CNBP: variants seen among roughly 807,000 people sequenced by gnomAD.
CNBP encodes CCHC-type zinc finger nucleic acid binding protein.
In CNBP, 6 loss-of-function variants were observed where a neutral mutation model predicts 21.2. That is an observed-to-expected ratio of 0.28 (90% CI 0.16 to 0.56). The LOEUF is 0.56. Ranked by LOEUF, CNBP falls within the 20% of genes least tolerant of loss-of-function variation. The probability of loss-of-function intolerance (pLI) is 0.93; values close to 1 mark genes in which losing one functional copy is unlikely to be tolerated. For synonymous variants in CNBP, 61 were observed against 74.9 expected (o/e 0.81, Z 0.96); for missense variants, 112 against 233.1 (o/e 0.48, Z 3.38).
At chr3:129,176,679 GGACT>G (rs994560570) in intron 1 of CNBP, among the ~76,000 whole-genome samples, 9 of 152,200 alleles carry the variant, frequency 5.9e-5, no homozygotes, top group Admixed American at 5.2e-4. Context: ...TACTCACTAA[GGACT>G]GACTACAGTC....
chr3:129,176,818 AT>A lies in CNBP; in HGVS notation c.-14-5048del, dbSNP rs371160018. On this transcript the variant is annotated intron_variant, in intron 1 of 4. Coordinates refer to ENST00000422453, the MANE Select transcript of CNBP (RefSeq NM_003418.5). ...CCACTCAAAGGACATTCCCAATGTA[AT>A]TTTTTTTTAAATCCACTAACAGAAG... Among the ~76,000 whole-genome samples, 41 of 151,920 alleles carry A rather than the reference AT, an allele frequency of 2.7e-4. 1 individual carries two copies. Among genetic ancestry groups the A allele is most frequent in the African/African-American group, 8.9e-4 (37 of 41,442 alleles).
intron 1 of CNBP, among the ~76,000 whole-genome samples, chr3:129,181,139 C>A (rs1938258351): frequency 6.9e-6 from 1 of 143,930 alleles, no homozygotes; most frequent in Non-Finnish European, 1.5e-5. Context: ...ACTTGGGAGG[C>A]TGAGGCAGGA....
chr3:129,176,349 C>T (rs2107641874), intron 1 of CNBP, among the ~76,000 whole-genome samples: 1 of 152,298 alleles, frequency 6.6e-6, no homozygotes, highest in East Asian at 1.9e-4. Context: ...CTGGAACTAC[C>T]CTCCCTATTA....
chr3:129,173,411 G>A (rs1576914422), intron 1 of CNBP, among the ~76,000 whole-genome samples: 3 of 152,108 alleles, frequency 2.0e-5, no homozygotes, highest in East Asian at 1.9e-4. Flanking sequence ...GTAGGAAAAC[G>A]ACCATGAGTT....
chr3:129,175,249 G>A (rs1338700430), intron 1 of CNBP, among the ~76,000 whole-genome samples: 3 of 151,470 alleles, frequency 2.0e-5, no homozygotes, highest in Admixed American at 6.6e-5. Context: ...GCTTGAACCC[G>A]GGAGGTGGAG....
chr3:129,183,640 C>A (rs936971840), intron 1 of CNBP, 136 bp downstream of exon 1: 5 of 152,468 alleles, frequency 3.3e-5, no homozygotes, highest in African/African-American at 9.6e-5. Context: ...AGCCGAGCTT[C>A]CCGCCTGACG....
At chr3:129,174,349 TAAA>T (rs56752888) in intron 1 of CNBP, among the ~76,000 whole-genome samples, 4 of 63,150 alleles carry the variant, frequency 6.3e-5, no homozygotes, top group Non-Finnish European at 8.0e-5. Flanking sequence ...GAGTCAGAAT[TAAA>T]AAAAAAAAAA....
chr3:129,171,973 C>T (rs1167322447), intron 1 of CNBP, among the ~76,000 whole-genome samples: 1 of 151,690 alleles, frequency 6.6e-6, no homozygotes, highest in Non-Finnish European at 1.5e-5. Context: ...AGATCGAGAC[C>T]ATCTTGGCTA....
rs1218672815 is a variant in CNBP at position 129,172,643 on chromosome 3, GGC to G, written c.-14-874_-14-873del. ...AGGCAGCCAGGCAGGCAGGCAGGCAGGCAGGCAGGCAGGCAGACAGACAGACA... is the reference window on the plus strand; with the variant it reads ...AGGCAGCCAGGCAGGCAGGCAGGCAGAGGCAGGCAGGCAGACAGACAGACA... On this transcript the variant is annotated intron_variant, in intron 1 of 4. Transcript: ENST00000422453. Among the ~76,000 whole-genome samples, 478 of 65,732 alleles carry G rather than the reference GGC, an allele frequency of 7.3e-3. 2 individuals carry two copies. The highest frequency in any genetic ancestry group is 0.01 in the Non-Finnish European group (298 of 29,100). 43.1% of individuals were successfully genotyped at this position (65,732 alleles called of 152,430 possible).
Position 129,169,819 on chromosome 3 carries a change from TTA to T in CNBP, c.*632_*633del. The T allele has an allele frequency of 4.4e-6, 1 of 226,224 alleles. No homozygotes were observed. The highest frequency in any genetic ancestry group is 8.8e-6 in the Non-Finnish European group (1 of 113,518). The allele number at this position is 226,224 out of a possible 1,614,324, so 14.0% of individuals were successfully genotyped here. Reference sequence around the variant, plus strand: ...TTGATGTTTACTCTGGGTTTTAGATTTAGTCTTTGAAAATAATGTGTTCTAAA... The same window carrying T: ...TTGATGTTTACTCTGGGTTTTAGATTGTCTTTGAAAATAATGTGTTCTAAA... On this transcript the variant is annotated 3_prime_UTR_variant, in exon 5 of 5. Coordinates refer to ENST00000422453, the MANE Select transcript of CNBP (RefSeq NM_003418.5).
chr3:129,180,650 G>GT (rs1326454640), intron 1 of CNBP, among the ~76,000 whole-genome samples: 5 of 152,228 alleles, frequency 3.3e-5, no homozygotes. Context: ...GTTCTATTAA[G>GT]TGAGACAGTA....
Position 129,170,641 on chromosome 3 carries a change from T to A in CNBP, c.417-71A>T, listed in dbSNP as rs547071389. 3.3e-4 allele frequency: 401 copies of A among 1,209,184 alleles called. 8 individuals are homozygous for A. In the South Asian group the frequency reaches 4.5e-3, roughly 14 times the overall value. 74.9% of individuals were successfully genotyped at this position (1,209,184 alleles called of 1,614,324 possible). ...CTGTCTACCAAAGCAACAGTCACCA[T>A]GCAGAACAAAACGCCTGATCTTTGT... is the stretch of plus-strand genomic sequence containing the variant. On this transcript the variant is annotated intron_variant, in intron 4 of 4. Coordinates refer to ENST00000422453, the MANE Select transcript of CNBP (RefSeq NM_003418.5).
rs114536770 is a variant in CNBP at position 129,176,129 on chromosome 3, G to T, written c.-14-4358C>A. On this transcript the variant is annotated intron_variant, in intron 1 of 4. Transcript: ENST00000422453. ...TTTAAAGGTCTTTACAGAATTCCAT[G>T]ATATTCCTTAGGAAAACTAAGGTAA... Among the ~76,000 whole-genome samples the T allele has an allele frequency of 6.3e-3, 964 of 152,254 alleles. 9 individuals carry two copies. The highest frequency in any genetic ancestry group is 0.022 in the African/African-American group (906 of 41,546).
intron 1 of CNBP, 118 bp from the exon 2 acceptor site, chr3:129,171,889 TA>T (rs1382049586): frequency 5.3e-6 from 6 of 1,142,680 alleles, no homozygotes; most frequent in South Asian, 1.7e-5. Context: ...ATATATTGGT[TA>T]AAAAAATAGC....
At position 129,171,709 on chromosome 3, in the gene CNBP, G is replaced by A. The variant is rs1214633508; in HGVS notation, c.49C>T (p.Arg17Trp). Residue 17 changes from arginine (R) to tryptophan (W), a missense_variant, in exon 2 of 5, where the codon CGG (arginine) becomes TGG (tryptophan). Arg to Trp is a moderately radical substitution (Grantham distance 101). Transcript: ENST00000422453. ...FKCGRSGHWA[R>W]ECPTGGGRGR... ...CGGCCTCCACCAGTAGGACATTCCC[G>A]GGCCCAGTGGCCAGATCGTCCACAC... The A allele has an allele frequency of 1.2e-6, 2 of 1,614,100 alleles. No homozygotes were observed. The highest frequency in any genetic ancestry group is 1.7e-6 in the Non-Finnish European group (2 of 1,180,036).
At position 129,181,734 on chromosome 3, in the gene CNBP, TCTC is replaced by T. The variant is rs559278996; in HGVS notation, c.-15+2039_-15+2041del. Among the ~76,000 whole-genome samples the T allele has an allele frequency of 1.5e-3, 230 of 151,122 alleles. 1 individual carries two copies. The highest frequency in any genetic ancestry group is 5.1e-3 in the African/African-American group (211 of 41,282). Reference sequence around the variant, plus strand: ...ACTGCACCATCTGAAATACATTACCTCTCCTGTTACCAATATGAAAAAAAAGAG... The same window carrying T: ...ACTGCACCATCTGAAATACATTACCTCTGTTACCAATATGAAAAAAAAGAG... On this transcript the variant is annotated intron_variant, in intron 1 of 4. Coordinates refer to ENST00000422453, the MANE Select transcript of CNBP (RefSeq NM_003418.5).
Position 129,167,946 on chromosome 3 carries a change from CT to C in CNBP, c.*2506del, listed in dbSNP as rs1485313978. The stretch of plus-strand genomic sequence containing the variant: ...TAAAGAAATGGGTATGTTATTACCT[CT>C]TTTTCTTGCTTGCTCAGGACTATTA... On this transcript the variant is annotated 3_prime_UTR_variant, in exon 5 of 5. Coordinates refer to ENST00000422453, the MANE Select transcript of CNBP (RefSeq NM_003418.5). 6.6e-6 allele frequency among the ~76,000 whole-genome samples: 1 copy of C among 152,150 alleles called. No individual in the cohort carries two copies. Among genetic ancestry groups the C allele is most frequent in the South Asian group, 2.1e-4 (1 of 4,826 alleles).
At chr3:129,177,264 T>C (rs910717197) in intron 1 of CNBP, among the ~76,000 whole-genome samples, 3 of 152,248 alleles carry the variant, frequency 2.0e-5, no homozygotes, top group African/African-American at 7.2e-5. Flanking sequence ...GTGTTTTCTC[T>C]GGAAAAAATT....
Position 129,168,949 on chromosome 3 carries a change from A to AG in CNBP, c.*1503_*1504insC, listed in dbSNP as rs985099426. Among the ~76,000 whole-genome samples, 16 of 151,072 alleles carry AG rather than the reference A, an allele frequency of 1.1e-4. No individual in the cohort carries two copies. Among genetic ancestry groups the AG allele is most frequent in the Non-Finnish European group, 2.4e-4 (16 of 67,712 alleles). ...GTCTTTACTAAAAATACAAAAAAAAAAAATTAGCTGGGCGCGGTGGCGGGT... is the reference window on the plus strand; with the variant it reads ...GTCTTTACTAAAAATACAAAAAAAAAGAAATTAGCTGGGCGCGGTGGCGGGT... On this transcript the variant is annotated 3_prime_UTR_variant, in exon 5 of 5. Coordinates refer to ENST00000422453, the MANE Select transcript of CNBP (RefSeq NM_003418.5).
Sources: allele counts gnomAD v4.1 joint callset (sites outside exome capture counted in the v4.1 genomes callset), GRCh38; gene constraint gnomAD v4.1.1; transcripts MANE v1.5; gene names NCBI Gene and HGNC (gene_info 2026-07-23, HGNC 2026-07-21).